The following ANK2 variants were observed in gnomAD, a reference collection of about 807,000 sequenced individuals.
ANK2 encodes the protein ankyrin-2.
ANK2 carries 83 observed loss-of-function variants against 360.5 expected under a neutral mutation model. The observed-to-expected ratio is 0.23, with a 90% CI of 0.19 to 0.28. The LOEUF (loss-of-function observed/expected upper bound fraction) is 0.28. ANK2 is among the 10% of genes least tolerant of loss of function. The pLI is 1.00. For synonymous variants in ANK2, 1,740 were observed against 1,759.5 expected, an observed-to-expected ratio of 0.99 and a Z score of 0.28; for missense variants, 4,201 against 4,795.7, an observed-to-expected ratio of 0.88 and a Z score of 3.66.
the ANK2 span, among the ~76,000 whole-genome samples, chr4:112,718,685 T>C: frequency 3.3e-5 from 5 of 152,180 alleles, no homozygotes; most frequent in Non-Finnish European, 7.3e-5. Flanking sequence ...TTGCCCAGGC[T>C]GGAATGCAAT....
At chr4:113,233,106 G>T (rs75615859) in intron 5 of ANK2, among the ~76,000 whole-genome samples, 62,100 of 79,696 alleles carry the variant, frequency 0.78, 22,993 homozygotes, top group African/African-American at 0.8. Context: ...TGGCTTTTCT[G>T]TTTTTTTTTT....
the ANK2 span, among the ~76,000 whole-genome samples, chr4:112,758,767 A>C: frequency 6.6e-6 from 1 of 152,178 alleles, no homozygotes; most frequent in Admixed American, 6.6e-5. Flanking sequence ...TACTGTAGTA[A>C]CGACGCCACG....
chr4:112,823,787 G>A (rs868486815), intron 1 of ANK2, among the ~76,000 whole-genome samples: 16 of 152,318 alleles, frequency 1.1e-4, no homozygotes, highest in Middle Eastern at 3.4e-3. Context: ...AACACACTGG[G>A]CTCTCAGCCC....
chr4:112,873,136 T>G (rs144507144), intron 1 of ANK2, among the ~76,000 whole-genome samples: 1,696 of 152,218 alleles, frequency 0.011, 21 homozygotes, highest in African/African-American at 0.03. Flanking sequence ...TAAAATAAAA[T>G]TTTGTTAATT....
chr4:113,334,075 A>T (rs1239020261), intron 29 of ANK2, among the ~76,000 whole-genome samples: 3 of 152,216 alleles, frequency 2.0e-5, no homozygotes, highest in African/African-American at 7.2e-5. Flanking sequence ...CTCAAGAGCA[A>T]GTATAGCTGT....
chr4:112,812,074 CAAAAAAA>C, the ANK2 span, among the ~76,000 whole-genome samples: 2 of 79,144 alleles, frequency 2.5e-5, no homozygotes, highest in African/African-American at 9.6e-5. Context: ...GACTCCGTCT[CAAAAAAA>C]AAAAAAAAAA....
chr4:112,968,115 T>C (rs191602808), intron 2 of ANK2, among the ~76,000 whole-genome samples: 127 of 152,370 alleles, frequency 8.3e-4, no homozygotes, highest in Middle Eastern at 3.4e-3. Flanking sequence ...GAACTTTTTT[T>C]CAATTGCTTA....
intron 4 of ANK2, among the ~76,000 whole-genome samples, chr4:113,223,391 A>G (rs112963004): frequency 6.6e-6 from 1 of 152,168 alleles, no homozygotes; most frequent in Non-Finnish European, 1.5e-5. Context: ...TTGAACCCAG[A>G]TCTTTCTGTA....
At chr4:112,706,016 G>A in the ANK2 span, among the ~76,000 whole-genome samples, 2 of 151,360 alleles carry the variant, frequency 1.3e-5, no homozygotes, top group Admixed American at 1.3e-4. Flanking sequence ...AGGAGCCGGG[G>A]CGGGTCCGCG....
At chr4:113,273,674 G>C (rs2059280896) in intron 14 of ANK2, among the ~76,000 whole-genome samples, 1 of 152,124 alleles carries the variant, frequency 6.6e-6, no homozygotes, top group Non-Finnish European at 1.5e-5. Context: ...ACAAGAGAAT[G>C]GTTTGGCCTG....
chr4:113,277,079 G>T (rs2060500782), intron 15 of ANK2, among the ~76,000 whole-genome samples: 1 of 152,264 alleles, frequency 6.6e-6, no homozygotes, highest in East Asian at 1.9e-4. Flanking sequence ...TAAGGCCATT[G>T]GTTAGGCACG....
intron 10 of ANK2, 87 bp from the exon 11 acceptor site, chr4:113,255,648 A>G (rs1211713015): frequency 7.3e-7 from 1 of 1,367,080 alleles, no homozygotes; most frequent in Non-Finnish European, 1.0e-6. Flanking sequence ...ACTGTGTTAG[A>G]GATCAAGAAT....
the ANK2 span, among the ~76,000 whole-genome samples, chr4:112,804,087 C>T: frequency 6.6e-6 from 1 of 151,266 alleles, no homozygotes; most frequent in African/African-American, 2.4e-5. Flanking sequence ...GGCGCGATCT[C>T]GGCTCACTGC....
At chr4:113,261,177 G>A (rs29417) in intron 13 of ANK2, among the ~76,000 whole-genome samples, 4,300 of 152,110 alleles carry the variant, frequency 0.028, 100 homozygotes, top group East Asian at 0.068. Context: ...ACTCAATCAC[G>A]TATAGACATT....
intron 1 of ANK2, among the ~76,000 whole-genome samples, chr4:112,878,501 A>T (rs933736997): frequency 6.7e-6 from 1 of 148,632 alleles, no homozygotes; most frequent in African/African-American, 2.5e-5. Context: ...TAATTTTTGT[A>T]TTTTTAGTAG....
chr4:112,833,793 G>A (rs951074740), intron 1 of ANK2, among the ~76,000 whole-genome samples: 2 of 152,142 alleles, frequency 1.3e-5, no homozygotes, highest in African/African-American at 4.8e-5. Flanking sequence ...GTGAGCCACC[G>A]CACTCGGCCG....
At chr4:112,793,827 T>TC in the ANK2 span, among the ~76,000 whole-genome samples, 92 of 150,340 alleles carry the variant, frequency 6.1e-4, no homozygotes, top group Non-Finnish European at 8.6e-4. Context: ...CACCTCAACC[T>TC]CCCGAGTAGC....
the ANK2 span, among the ~76,000 whole-genome samples, chr4:112,773,529 A>G: frequency 6.6e-6 from 1 of 152,108 alleles, no homozygotes; most frequent in African/African-American, 2.4e-5. Context: ...GATTATTACT[A>G]CTTTTCTGTG....
chr4:112,758,159 C>T, the ANK2 span, among the ~76,000 whole-genome samples: 1 of 152,144 alleles, frequency 6.6e-6, no homozygotes, highest in African/African-American at 2.4e-5. Flanking sequence ...GCCTCGGCCT[C>T]CGAGTGCTGG....
Sources: allele counts gnomAD v4.1 joint callset (sites outside exome capture counted in the v4.1 genomes callset), GRCh38; gene constraint gnomAD v4.1.1; transcripts MANE v1.5; gene names NCBI Gene and HGNC (gene_info 2026-07-23, HGNC 2026-07-21).